The following RGS7 variants were observed in gnomAD, a reference collection of about 807,000 sequenced individuals.
RGS7 encodes the protein regulator of G-protein signaling 7.
RGS7 carries 27 observed loss-of-function variants against 81.1 expected under a neutral mutation model. The ratio of observed to expected loss-of-function variants is 0.33; its 90% CI spans 0.25 to 0.46. The LOEUF (loss-of-function observed/expected upper bound fraction) is 0.46. RGS7 is among the 20% of genes least tolerant of loss of function. RGS7 has a pLI of 1.00. For missense variants in RGS7, 396 were observed against 607.4 expected (o/e 0.65, Z 3.66); for synonymous variants, 208 against 207.7 (o/e 1.00, Z -0.01).
In RGS7 at chr1:240,870,066, C is replaced by G. The variant is rs780001267; in HGVS notation, c.439G>C (p.Asp147His). Residue 147 changes from aspartate to histidine, a missense_variant, in exon 7 of 19, where the codon GAC becomes CAC. Asp to His is a moderately conservative substitution (Grantham distance 81). Transcript: ENST00000440928. Reference sequence around the variant, plus strand: ...TCCTTGGTACTTACAGCCTCATAGTCTGCGAGCTCCAGTCGTGCCTTGTTT... The same window carrying G: ...TCCTTGGTACTTACAGCCTCATAGTGTGCGAGCTCCAGTCGTGCCTTGTTT... ...MQNKARLELA[D>H]YEAESLARLQ... 6.2e-7 allele frequency: 1 copy of G among 1,614,106 alleles called. No homozygotes were observed. Among genetic ancestry groups the G allele is most frequent in the South Asian group, 1.1e-5 (1 of 91,086 alleles).
intron 9 of RGS7, among the ~76,000 whole-genome samples, chr1:240,827,788 C>T (rs1190966683): frequency 1.5e-5 from 2 of 135,548 alleles, no homozygotes; most frequent in African/African-American, 2.8e-5. Context: ...CACTTGAACC[C>T]GGGAGGTGGA....
At chr1:241,295,865 T>C (rs1273885665) in intron 2 of RGS7, among the ~76,000 whole-genome samples, 1 of 152,116 alleles carries the variant, frequency 6.6e-6, no homozygotes, top group Non-Finnish European at 1.5e-5. Flanking sequence ...GAGTGTTGAG[T>C]ACAAGACTCA....
intron 2 of RGS7, among the ~76,000 whole-genome samples, chr1:241,186,817 G>A (rs80319120): frequency 0.2 from 30,288 of 151,908 alleles, 3,718 homozygotes; most frequent in Admixed American, 0.28. Flanking sequence ...GTGAGCCACC[G>A]CGCCCGGCCA....
chr1:241,312,664 T>C (rs1477651594), intron 2 of RGS7, among the ~76,000 whole-genome samples: 1 of 152,166 alleles, frequency 6.6e-6, no homozygotes, highest in Non-Finnish European at 1.5e-5. Context: ...CCTGTGTCTC[T>C]CCCACTCCTC....
chr1:240,890,413 AGT>A (rs1466006953), intron 6 of RGS7, among the ~76,000 whole-genome samples: 1 of 152,190 alleles, frequency 6.6e-6, no homozygotes, highest in East Asian at 1.9e-4. Context: ...GGCCTCCTAA[AGT>A]GCTGGGATTA....
intron 2 of RGS7, among the ~76,000 whole-genome samples, chr1:241,289,086 T>C (rs1314023292): frequency 1.3e-5 from 2 of 152,230 alleles, no homozygotes; most frequent in Non-Finnish European, 2.9e-5. Context: ...TAAGTCACGA[T>C]ACTAACCTTT....
intron 18 of RGS7, among the ~76,000 whole-genome samples, chr1:240,780,212 C>T (rs984195320): frequency 4.6e-5 from 7 of 151,864 alleles, no homozygotes; most frequent in Admixed American, 2.6e-4. Context: ...TTTGGGAGGC[C>T]GAGGCGGGTG....
chr1:240,865,030 T>C (rs1476566656), intron 9 of RGS7, among the ~76,000 whole-genome samples: 1 of 152,192 alleles, frequency 6.6e-6, no homozygotes, highest in Non-Finnish European at 1.5e-5. Flanking sequence ...ATTTATTGTC[T>C]TTCACCTGTC....
intron 4 of RGS7, among the ~76,000 whole-genome samples, chr1:240,956,419 A>C (rs1488302140): frequency 6.6e-6 from 1 of 151,676 alleles, no homozygotes; most frequent in Non-Finnish European, 1.5e-5. Context: ...GTTCATGCTG[A>C]TGTAAATAAA....
At chr1:241,117,429 C>T (rs1244772037) in intron 2 of RGS7, among the ~76,000 whole-genome samples, 2 of 152,100 alleles carry the variant, frequency 1.3e-5, no homozygotes, top group African/African-American at 2.4e-5. Context: ...ACTAAAGTAG[C>T]TAGTACTTAT....
chr1:240,787,055 C>T (rs1234000969), intron 18 of RGS7, among the ~76,000 whole-genome samples: 1 of 152,022 alleles, frequency 6.6e-6, no homozygotes, highest in Non-Finnish European at 1.5e-5. Context: ...TTTATGAGCA[C>T]TGTATGAGAT....
intron 9 of RGS7, among the ~76,000 whole-genome samples, chr1:240,839,576 A>C (rs1695271574): frequency 6.6e-6 from 1 of 152,128 alleles, no homozygotes; most frequent in South Asian, 2.1e-4. Context: ...ATTTATCTGG[A>C]GTTCTAAGAA....
intron 3 of RGS7, among the ~76,000 whole-genome samples, chr1:241,055,804 C>T (rs1157541875): frequency 6.6e-6 from 1 of 152,162 alleles, no homozygotes; most frequent in Admixed American, 6.5e-5. Flanking sequence ...TCCCTGGAAA[C>T]CAGCCCCCAT....
At chr1:241,161,704 A>G (rs1008702572) in intron 2 of RGS7, among the ~76,000 whole-genome samples, 7 of 148,808 alleles carry the variant, frequency 4.7e-5, no homozygotes, top group African/African-American at 1.7e-4. Context: ...TCATGTAATC[A>G]TAACTGTTTT....
At chr1:240,786,696 C>G (rs79575015) in intron 18 of RGS7, among the ~76,000 whole-genome samples, 6,419 of 152,174 alleles carry the variant, frequency 0.042, 144 homozygotes, top group East Asian at 0.11. Flanking sequence ...CCCTGCTCTG[C>G]AAGGAACAAT....
At chr1:240,782,021 A>AT (rs1334916317) in intron 18 of RGS7, among the ~76,000 whole-genome samples, 1 of 151,758 alleles carries the variant, frequency 6.6e-6, no homozygotes, top group African/African-American at 2.4e-5. Flanking sequence ...TCTCAAAAAA[A>AT]AAAAAAGAGA....
intron 6 of RGS7, among the ~76,000 whole-genome samples, chr1:240,896,951 T>TTA: frequency 6.6e-6 from 1 of 152,360 alleles, no homozygotes; most frequent in South Asian, 2.1e-4. Flanking sequence ...GTGTCTTCTT[T>TTA]TATTTCGTTG....
chr1:241,004,455 T>C (rs147206041), intron 3 of RGS7, among the ~76,000 whole-genome samples: 316 of 152,292 alleles, frequency 2.1e-3, no homozygotes, highest in Non-Finnish European at 3.9e-3. Context: ...ATAGATCATA[T>C]AGGCATGAAG....
At chr1:241,008,372 C>T (rs184113271) in intron 3 of RGS7, among the ~76,000 whole-genome samples, 72 of 152,172 alleles carry the variant, frequency 4.7e-4, no homozygotes, top group African/African-American at 1.6e-3. Context: ...GTATAAATCA[C>T]GTTGTTAAAA....
Sources: allele counts gnomAD v4.1 joint callset (sites outside exome capture counted in the v4.1 genomes callset), GRCh38; gene constraint gnomAD v4.1.1; transcripts MANE v1.5; gene names NCBI Gene and HGNC (gene_info 2026-07-23, HGNC 2026-07-21).